Variants in ADGRL3 observed in about 807,000 individuals in gnomAD.
The protein encoded by ADGRL3 is adhesion G protein-coupled receptor L3.
A neutral mutation model predicts 153.5 loss-of-function variants in ADGRL3; 62 were observed. That is an observed-to-expected ratio of 0.40 (90% CI 0.33 to 0.50). The LOEUF (loss-of-function observed/expected upper bound fraction) is 0.50. ADGRL3 is among the 20% of genes least tolerant of loss of function. The probability of loss-of-function intolerance (pLI) is 0.47; values close to 1 mark genes in which losing one functional copy is unlikely to be tolerated. For missense variants in ADGRL3, 1,641 were observed against 1,859.4 expected (o/e 0.88, Z 2.16); for synonymous variants, 710 against 672.5 (o/e 1.06, Z -0.86).
At chr4:61,763,190 CTT>C (rs771693851) in intron 8 of ADGRL3, among the ~76,000 whole-genome samples, 20 of 137,192 alleles carry the variant, frequency 1.5e-4, no homozygotes, top group Non-Finnish European at 1.4e-4. Flanking sequence ...AGTAACATTT[CTT>C]TTTTTTTTTT....
intron 6 of ADGRL3, among the ~76,000 whole-genome samples, chr4:61,692,314 T>C: frequency 7.4e-6 from 1 of 134,808 alleles, no homozygotes; most frequent in Middle Eastern, 3.4e-3. Context: ...TTCTCTGAAT[T>C]TCCTTTCATT....
intron 1 of ADGRL3, among the ~76,000 whole-genome samples, chr4:61,281,798 C>G (rs193202769): frequency 7.9e-5 from 12 of 152,062 alleles, no homozygotes; most frequent in Admixed American, 6.6e-5. Context: ...AAAACCATAA[C>G]ATTGATTTGG....
At chr4:61,946,477 T>G (rs2098924906) in intron 15 of ADGRL3, among the ~76,000 whole-genome samples, 1 of 152,214 alleles carries the variant, frequency 6.6e-6, no homozygotes. Context: ...TATTTCAGTT[T>G]CCTTGTTTGT....
chr4:61,725,171 A>G (rs753556927), intron 6 of ADGRL3, among the ~76,000 whole-genome samples: 2 of 152,232 alleles, frequency 1.3e-5, no homozygotes, highest in African/African-American at 4.8e-5. Flanking sequence ...TTGAACATCA[A>G]TAATGAATAA....
At chr4:61,455,605 A>C (rs1185928887) in intron 2 of ADGRL3, among the ~76,000 whole-genome samples, 1 of 152,062 alleles carries the variant, frequency 6.6e-6, no homozygotes, top group Non-Finnish European at 1.5e-5. Flanking sequence ...ATGTAGTATT[A>C]TTATATTTAT....
chr4:61,621,174 CT>C (rs2149834870), intron 5 of ADGRL3, among the ~76,000 whole-genome samples: 2 of 152,120 alleles, frequency 1.3e-5, no homozygotes, highest in East Asian at 3.9e-4. Context: ...TTATATCCTT[CT>C]TTTTACATTT....
intron 9 of ADGRL3, among the ~76,000 whole-genome samples, chr4:61,819,927 A>G (rs983271522): frequency 6.6e-6 from 1 of 151,902 alleles, no homozygotes; most frequent in Non-Finnish European, 1.5e-5. Flanking sequence ...TCACATTCTA[A>G]CCCCCTTCTT....
intron 4 of ADGRL3, among the ~76,000 whole-genome samples, chr4:61,582,613 T>C (rs2149300148): frequency 6.6e-6 from 1 of 151,834 alleles, no homozygotes; most frequent in East Asian, 1.9e-4. Flanking sequence ...CATTTTTGAC[T>C]GGATCGCTAA....
At chr4:61,574,505 CAG>C (rs1463332675) in intron 4 of ADGRL3, among the ~76,000 whole-genome samples, 2 of 151,676 alleles carry the variant, frequency 1.3e-5, no homozygotes, top group Non-Finnish European at 2.9e-5. Flanking sequence ...ATATTAATGA[CAG>C]AATCTTATTT....
At chr4:61,235,896 C>T (rs1752592814) in intron 1 of ADGRL3, among the ~76,000 whole-genome samples, 1 of 151,986 alleles carries the variant, frequency 6.6e-6, no homozygotes, top group Non-Finnish European at 1.5e-5. Context: ...TTAATAAGGT[C>T]ACATTCCATT....
At chr4:61,244,205 TTG>T (rs967343256) in intron 1 of ADGRL3, among the ~76,000 whole-genome samples, 2 of 152,014 alleles carry the variant, frequency 1.3e-5, no homozygotes, top group African/African-American at 4.8e-5. Context: ...AGGGGAGGGA[TTG>T]TGTTTTACTG....
intron 8 of ADGRL3, among the ~76,000 whole-genome samples, chr4:61,765,983 T>G (rs1308630350): frequency 3.3e-5 from 5 of 152,116 alleles, no homozygotes; most frequent in African/African-American, 1.2e-4. Context: ...GCTAGTGGCT[T>G]GTACTATAGC....
intron 6 of ADGRL3, among the ~76,000 whole-genome samples, chr4:61,700,257 C>T (rs564965982): frequency 1.5e-3 from 224 of 152,044 alleles, no homozygotes; most frequent in Admixed American, 2.6e-3. Context: ...TACATAATTA[C>T]TTTAAGGACT....
At position 61,610,220 on chromosome 4, in the gene ADGRL3, T is replaced by A. The variant is rs145680636; in HGVS notation, c.473+22780T>A. On this transcript the variant is annotated intron_variant, in intron 5 of 26. Transcript: ENST00000683033. ...GGGAATCTATGACATGAACATTTAA[T>A]ATATAATATTTAAATCTCTAACCTA... Among the ~76,000 whole-genome samples, 264 of 152,028 alleles carry A rather than the reference T, an allele frequency of 1.7e-3. 3 individuals carry two copies. Among genetic ancestry groups the A allele is most frequent in the African/African-American group, 6.0e-3 (250 of 41,518 alleles).
chr4:61,615,773 A>T (rs961134646), intron 5 of ADGRL3, among the ~76,000 whole-genome samples: 2 of 151,882 alleles, frequency 1.3e-5, no homozygotes, highest in Non-Finnish European at 2.9e-5. Flanking sequence ...TATTGACTAT[A>T]TGTGTATGTA....
chr4:61,516,543 G>A (rs1166031317), intron 3 of ADGRL3, among the ~76,000 whole-genome samples: 1 of 151,878 alleles, frequency 6.6e-6, no homozygotes, highest in Admixed American at 6.6e-5. Flanking sequence ...TCTTTTCAAA[G>A]CATAAAATGC....
intron 8 of ADGRL3, among the ~76,000 whole-genome samples, chr4:61,780,807 G>A (rs537877587): frequency 6.6e-6 from 1 of 152,264 alleles, no homozygotes; most frequent in South Asian, 2.1e-4. Context: ...AGTGAAAGTA[G>A]GGAACCAGAG....
chr4:61,729,067 G>C (rs1359684745), intron 6 of ADGRL3, among the ~76,000 whole-genome samples: 1 of 151,840 alleles, frequency 6.6e-6, no homozygotes, highest in Admixed American at 6.6e-5. Flanking sequence ...GAGGGAGGGA[G>C]GGGGGTGAGG....
At position 61,777,183 on chromosome 4, in the gene ADGRL3, A is replaced by T. The variant is rs183220198; in HGVS notation, c.1400-36626A>T. On this transcript the variant is annotated intron_variant, in intron 8 of 26. Transcript: ENST00000683033. ...CCCCGTCTCTACAAAAATACAAAAA[A>T]TTAGCCGGGCGTGGTGGCGGGCACC... Among the ~76,000 whole-genome samples the T allele has an allele frequency of 1.4e-4, 21 of 152,170 alleles. No individual in the cohort carries two copies. In the East Asian group the frequency reaches 4.1e-3, roughly 29 times the overall value.
Sources: gnomAD v4.1 joint callset for allele counts (sites outside exome capture counted in the v4.1 genomes callset) on GRCh38, gnomAD v4.1.1 for gene constraint, MANE v1.5 for transcripts, NCBI Gene and HGNC (gene_info 2026-07-23, HGNC 2026-07-21) for gene names.